KIF18A: variants seen among roughly 807,000 people sequenced by gnomAD.
KIF18A encodes kinesin family member 18A, also known as kinesin-like protein KIF18A.
In KIF18A, 67 loss-of-function variants were observed where a neutral mutation model predicts 103.3. The ratio of observed to expected loss-of-function variants is 0.65; its 90% confidence interval spans 0.53 to 0.79. KIF18A has a LOEUF of 0.79. Among genes scored for constraint, KIF18A ranks in the 30% least tolerant of loss-of-function variants. KIF18A has a pLI of 0.00. For synonymous variants in KIF18A, 367 were observed against 355.5 expected, an observed-to-expected ratio of 1.03 and a Z score of -0.36; for missense variants, 1,032 against 1,062.5, an observed-to-expected ratio of 0.97 and a Z score of 0.40.
At chr11:28,025,023 A>T (rs1850297735) in intron 15 of KIF18A, among the ~76,000 whole-genome samples, 1 of 152,044 alleles carries the variant, frequency 6.6e-6, no homozygotes, top group Admixed American at 6.6e-5. Context: ...AATAAAATAG[A>T]GCAATTATAA....
chr11:28,022,270 T>G (rs1008172294), intron 16 of KIF18A, among the ~76,000 whole-genome samples: 8 of 149,662 alleles, frequency 5.3e-5, no homozygotes, highest in African/African-American at 2.0e-4. Context: ...TGATTTGAGT[T>G]TTTTTTTTTT....
At chr11:28,043,076 G>A (rs1245935246) in intron 13 of KIF18A, among the ~76,000 whole-genome samples, 1 of 151,906 alleles carries the variant, frequency 6.6e-6, no homozygotes, top group African/African-American at 2.4e-5. Flanking sequence ...GAATGAGTGA[G>A]ACACAGCTAT....
chr11:28,077,142 G>C lies in KIF18A; in HGVS notation c.1290C>G (p.Phe430Leu), dbSNP rs1851104551. The stretch of plus-strand genomic sequence containing the variant: ...CTTGTCTAATTTCTTCTCGATTCTG[G>C]AACAAGCAGTTCAGGATTTCTTGAA... Reference protein sequence around the residue: ...ERFQEILNCLFQNREEIRQEY... With the variant: ...ERFQEILNCLLQNREEIRQEY... The change falls in exon 10 of 17, where the codon TTC becomes TTG. Residue 430 changes from phenylalanine to leucine, a missense_variant. Phe to Leu is a conservative substitution (Grantham distance 22, BLOSUM62 0). Coordinates refer to ENST00000263181, the MANE Select transcript of KIF18A (RefSeq NM_031217.4). 1.9e-6 allele frequency: 3 copies of C among 1,574,516 alleles called. No individual in the cohort carries two copies. Among genetic ancestry groups the C allele is most frequent in the Non-Finnish European group, 1.7e-6 (2 of 1,168,558 alleles).
chr11:28,022,465 C>T (rs2133479731), intron 16 of KIF18A, among the ~76,000 whole-genome samples: 1 of 152,118 alleles, frequency 6.6e-6, no homozygotes, highest in African/African-American at 2.4e-5. Context: ...GACGGGGTTT[C>T]ACCATGTTAG....
intron 11 of KIF18A, among the ~76,000 whole-genome samples, chr11:28,065,933 T>C (rs1448668005): frequency 3.3e-5 from 5 of 152,090 alleles, no homozygotes; most frequent in African/African-American, 9.6e-5. Context: ...CTGAACTGTA[T>C]ATGTACACAT....
At chr11:28,023,690 G>A (rs1008915884) in intron 16 of KIF18A, 51 bp downstream of exon 16, 2 of 968,460 alleles carry the variant, frequency 2.1e-6, no homozygotes, top group East Asian at 2.4e-5. Flanking sequence ...AGTACTATAT[G>A]TGTGTTACAG....
chr11:28,098,879 CA>C (rs139380534), intron 1 of KIF18A, among the ~76,000 whole-genome samples: 1 of 149,730 alleles, frequency 6.7e-6, no homozygotes, highest in South Asian at 2.1e-4. Context: ...AACAAAAAGA[CA>C]AAAAAAAACC....
intron 15 of KIF18A, among the ~76,000 whole-genome samples, chr11:28,028,477 C>T (rs1326156275): frequency 6.6e-6 from 1 of 151,908 alleles, no homozygotes; most frequent in African/African-American, 2.4e-5. Flanking sequence ...TCTTTGAAAC[C>T]AACGAGAACA....
chr11:28,099,236 C>G (rs1485602453), intron 1 of KIF18A, among the ~76,000 whole-genome samples: 1 of 151,328 alleles, frequency 6.6e-6, no homozygotes, highest in African/African-American at 2.4e-5. Flanking sequence ...AAGCCAGGTA[C>G]AAAAAGACAA....
chr11:28,076,666 G>T (rs774881387), intron 10 of KIF18A: 44 of 156,606 alleles, frequency 2.8e-4, no homozygotes, highest in Middle Eastern at 3.3e-3. Context: ...CGGGCACAGT[G>T]GCTCAGCCTG....
At chr11:28,053,706 C>G (rs1850741448) in intron 13 of KIF18A, among the ~76,000 whole-genome samples, 1 of 151,624 alleles carries the variant, frequency 6.6e-6, no homozygotes, top group Non-Finnish European at 1.5e-5. Flanking sequence ...CTTCCTGTGT[C>G]CATGTGTTCT....
intron 13 of KIF18A, among the ~76,000 whole-genome samples, chr11:28,048,764 T>C (rs568789689): frequency 4.6e-5 from 7 of 152,214 alleles, no homozygotes; most frequent in Middle Eastern, 3.4e-3. Flanking sequence ...GGAAAGATGA[T>C]CCATTAAAAG....
At chr11:28,075,646 G>A (rs926940566) in intron 10 of KIF18A, among the ~76,000 whole-genome samples, 15 of 151,890 alleles carry the variant, frequency 9.9e-5, no homozygotes, top group African/African-American at 3.4e-4. Flanking sequence ...CTAAAGATTT[G>A]GGAGTTCTGT....
chr11:28,024,823 G>C (rs981524102), intron 15 of KIF18A, among the ~76,000 whole-genome samples: 10 of 151,808 alleles, frequency 6.6e-5, no homozygotes, highest in Non-Finnish European at 8.8e-5. Context: ...CTAAGCTTAG[G>C]GAAATTCTGG....
At chr11:28,051,391 T>C (rs994505141) in intron 13 of KIF18A, among the ~76,000 whole-genome samples, 72 of 152,012 alleles carry the variant, frequency 4.7e-4, no homozygotes, top group African/African-American at 1.5e-3. Flanking sequence ...ATATGACTAC[T>C]TACTGTACAA....
At chr11:28,062,562 T>C (rs1032812639) in intron 11 of KIF18A, 46 bp from the exon 12 acceptor site, 5 of 1,467,494 alleles carry the variant, frequency 3.4e-6, no homozygotes, top group Admixed American at 4.3e-5. Context: ...TCTAAGAATA[T>C]TGAAATTAAA....
intron 4 of KIF18A, 83 bp from the exon 5 acceptor site, chr11:28,090,810 G>C (rs1851290929): frequency 2.9e-6 from 2 of 695,862 alleles, no homozygotes; most frequent in Admixed American, 5.0e-5. Context: ...AAAACAAAAA[G>C]ATTTAAAGGT....
Position 28,045,930 on chromosome 11 carries a change from A to G in KIF18A, c.1949-9266T>C, listed in dbSNP as rs894599666. On this transcript the variant is annotated intron_variant, in intron 13 of 16. Coordinates refer to ENST00000263181, the MANE Select transcript of KIF18A (RefSeq NM_031217.4). The stretch of plus-strand genomic sequence containing the variant: ...AAAGAAGACATTTATGCAGCCAAAA[A>G]ACACATGAAAAAATGCTCATCATCA... Among the ~76,000 whole-genome samples the G allele has an allele frequency of 7.9e-5, 12 of 151,712 alleles. No individual in the cohort carries two copies. The South Asian group carries it at 8.3e-4, about 11-fold the overall frequency.
chr11:28,025,113 G>T (rs1850299493), intron 15 of KIF18A, among the ~76,000 whole-genome samples: 1 of 151,960 alleles, frequency 6.6e-6, no homozygotes, highest in African/African-American at 2.4e-5. Context: ...GCCTGTTTTT[G>T]AACTGCGGTT....
Sources: allele counts gnomAD v4.1 joint callset (sites outside exome capture counted in the v4.1 genomes callset), GRCh38; gene constraint gnomAD v4.1.1; transcripts MANE v1.5; gene names NCBI Gene and HGNC (gene_info 2026-07-23, HGNC 2026-07-21).